NAV2: variants seen among roughly 807,000 people sequenced by gnomAD.
NAV2 encodes helicase, APC down-regulated 1.
NAV2 carries 54 observed loss-of-function variants against 223.2 expected under a neutral mutation model. The ratio of observed to expected loss-of-function variants is 0.24; its 90% CI spans 0.19 to 0.30. The LOEUF (loss-of-function observed/expected upper bound fraction) is 0.30, where lower values mean the gene tolerates loss of function less well. NAV2 is among the 10% of genes least tolerant of loss of function. The pLI is 1.00. For synonymous variants in NAV2, 1,279 were observed against 1,239.3 expected (o/e 1.03, Z -0.67); for missense variants, 2,806 against 3,147.5 (o/e 0.89, Z 2.60).
intron 1 of NAV2, among the ~76,000 whole-genome samples, chr11:19,382,458 G>A (rs1848879841): frequency 6.6e-6 from 1 of 152,194 alleles, no homozygotes; most frequent in Admixed American, 6.5e-5. Flanking sequence ...AGCGTCTGCC[G>A]TTCATGCAGC....
chr11:19,984,207 C>G lies in NAV2; in HGVS notation c.2728C>G (p.Leu910Val), dbSNP rs1221882732. The G allele has an allele frequency of 6.2e-7, 1 of 1,614,058 alleles. No homozygotes were observed. The highest frequency in any genetic ancestry group is 8.5e-7 in the Non-Finnish European group (1 of 1,180,018). The change falls in exon 11 of 38, where the codon CTG (leucine) becomes GTG (valine). Residue 910 changes from leucine to valine, a missense_variant. Coordinates refer to ENST00000349880, the MANE Select transcript of NAV2 (RefSeq NM_145117.5). ...PDGMAVVRET[L>V]QRNTSLGLGD... ...TGGGATGGCTGTGGTACGGGAGACC[C>G]TGCAACGAAATACCTCCCTGGGCCT... is the stretch of plus-strand genomic sequence containing the variant.
At chr11:19,774,579 G>A (rs570017021) in intron 1 of NAV2, among the ~76,000 whole-genome samples, 3 of 152,174 alleles carry the variant, frequency 2.0e-5, no homozygotes, top group African/African-American at 7.2e-5. Context: ...TTTCTTACTA[G>A]ACTGTGTGTG....
chr11:19,869,102 C>G, intron 4 of NAV2, 105 bp downstream of exon 4: 1 of 1,127,564 alleles, frequency 8.9e-7, no homozygotes, highest in South Asian at 1.4e-5. Flanking sequence ...TGCTTGTGGG[C>G]TCCTCTGGTT....
intron 11 of NAV2, among the ~76,000 whole-genome samples, chr11:20,014,000 C>T (rs2053795437): frequency 6.6e-6 from 1 of 152,238 alleles, no homozygotes; most frequent in Admixed American, 6.5e-5. Flanking sequence ...GTTCTCTCCT[C>T]TGCCCTGCAG....
At chr11:19,947,914 G>A (rs977155198) in intron 9 of NAV2, among the ~76,000 whole-genome samples, 2 of 152,154 alleles carry the variant, frequency 1.3e-5, no homozygotes, top group East Asian at 3.8e-4. Context: ...AGCTGAGGAT[G>A]TAAAATGTGG....
At chr11:19,648,566 G>T (rs1171706196) in intron 1 of NAV2, among the ~76,000 whole-genome samples, 1 of 152,202 alleles carries the variant, frequency 6.6e-6, no homozygotes, top group Non-Finnish European at 1.5e-5. Context: ...TCCACACTGG[G>T]ATGGCTCTTA....
intron 3 of NAV2, among the ~76,000 whole-genome samples, chr11:19,860,994 T>G (rs2153017575): frequency 7.3e-6 from 1 of 136,786 alleles, no homozygotes; most frequent in Non-Finnish European, 1.5e-5. Context: ...CAGTCCAGCT[T>G]CGGCTCGGCA....
chr11:19,704,990 G>A (rs1167627573), intron 1 of NAV2, among the ~76,000 whole-genome samples: 2 of 133,420 alleles, frequency 1.5e-5, no homozygotes, highest in South Asian at 2.3e-4. Context: ...CAGCCTGGGC[G>A]ACAGAGTGAG....
chr11:19,731,707 G>A (rs1052907988), intron 1 of NAV2, among the ~76,000 whole-genome samples: 2 of 152,230 alleles, frequency 1.3e-5, no homozygotes, highest in Non-Finnish European at 2.9e-5. Context: ...ATGTGGGCAT[G>A]GGCCGATCAT....
At position 19,939,685 on chromosome 11, in the gene NAV2, T is replaced by A. The variant is rs1400029276; in HGVS notation, c.2058T>A (p.Asn686Lys). The change falls in exon 8 of 38, where the codon AAT (asparagine) becomes AAA (lysine). Residue 686 changes from asparagine to lysine, a missense_variant. Coordinates refer to ENST00000349880, the MANE Select transcript of NAV2 (RefSeq NM_145117.5). ...LYRSQTDTEG[N>K]VTAESSSTGV... ...GGTCTCAGACGGACACTGAAGGGAA[T>A]GTTACTGCCGAGTCAAGCTCAACAG... 1 of 1,614,016 alleles carries A rather than the reference T, an allele frequency of 6.2e-7. No homozygotes were observed. Among genetic ancestry groups the A allele is most frequent in the Admixed American group, 1.7e-5 (1 of 59,992 alleles).
At chr11:19,562,030 C>T (rs560976877) in intron 1 of NAV2, among the ~76,000 whole-genome samples, 1 of 152,348 alleles carries the variant, frequency 6.6e-6, no homozygotes, top group East Asian at 1.9e-4. Context: ...AGGCACTAAG[C>T]CTCTGGGGGT....
chr11:19,791,699 A>G (rs905781464), intron 1 of NAV2, among the ~76,000 whole-genome samples: 5 of 152,160 alleles, frequency 3.3e-5, no homozygotes, highest in Non-Finnish European at 5.9e-5. Flanking sequence ...TCAGGCCATA[A>G]CCATCCAGAG....
intron 1 of NAV2, among the ~76,000 whole-genome samples, chr11:19,699,528 G>T (rs1457962510): frequency 6.6e-6 from 1 of 152,170 alleles, no homozygotes; most frequent in African/African-American, 2.4e-5. Flanking sequence ...TGTTTTCCAA[G>T]AAAAGGCATC....
intron 10 of NAV2, among the ~76,000 whole-genome samples, chr11:19,949,503 C>T (rs1190348407): frequency 6.6e-6 from 1 of 152,222 alleles, no homozygotes; most frequent in African/African-American, 2.4e-5. Context: ...CTCTTTCCGG[C>T]CTCACAGCCT....
At chr11:19,770,942 G>C (rs1191451064) in intron 1 of NAV2, among the ~76,000 whole-genome samples, 3 of 152,166 alleles carry the variant, frequency 2.0e-5, no homozygotes, top group African/African-American at 7.2e-5. Flanking sequence ...CAAGATGCCT[G>C]TATGCCTAGT....
At chr11:19,626,996 T>C (rs2047189633) in intron 1 of NAV2, among the ~76,000 whole-genome samples, 1 of 152,196 alleles carries the variant, frequency 6.6e-6, no homozygotes, top group African/African-American at 2.4e-5. Flanking sequence ...ATGAAAGCAC[T>C]GGGCATATGA....
chr11:20,107,628 A>G (rs2062256915), intron 35 of NAV2, 36 bp from the exon 36 acceptor site: 1 of 1,531,386 alleles, frequency 6.5e-7, no homozygotes, highest in Non-Finnish European at 9.0e-7. Flanking sequence ...ACCCATGCCC[A>G]TTTGAGTGCT....
intron 1 of NAV2, among the ~76,000 whole-genome samples, chr11:19,701,585 G>C (rs112799287): frequency 1.3e-5 from 2 of 152,166 alleles, no homozygotes; most frequent in South Asian, 2.1e-4. Context: ...TGTTTGGTTC[G>C]TATTTGAGGC....
Position 19,729,563 on chromosome 11 carries a change from A to T in NAV2, c.267+15601A>T, listed in dbSNP as rs114356260. Among the ~76,000 whole-genome samples, 921 of 152,318 alleles carry T rather than the reference A, an allele frequency of 6.0e-3. 15 individuals carry two copies. The highest frequency in any genetic ancestry group is 0.021 in the African/African-American group (865 of 41,556). ...TGCCCATAGAGTTGAGCTTCTTTTT[A>T]TCTATTTCCTTATTCAGAAATGAGG... On this transcript the variant is annotated intron_variant, in intron 1 of 37. Transcript: ENST00000349880.
Sources: allele counts gnomAD v4.1 joint callset (sites outside exome capture counted in the v4.1 genomes callset), GRCh38; gene constraint gnomAD v4.1.1; transcripts MANE v1.5; gene names NCBI Gene and HGNC (gene_info 2026-07-23, HGNC 2026-07-21).